The following DMXL2 variants were observed in gnomAD, a reference collection of about 807,000 sequenced individuals.
DMXL2 encodes the protein dmX-like protein 2.
In DMXL2, 103 loss-of-function variants were observed where a neutral mutation model predicts 331.1. That is an observed-to-expected ratio of 0.31 (90% CI 0.27 to 0.37). DMXL2 has a LOEUF of 0.37. DMXL2 is among the 10% of genes least tolerant of loss of function. DMXL2 has a pLI of 1.00. For missense variants in DMXL2, 3,171 were observed against 3,642.9 expected (o/e 0.87, Z 3.33); for synonymous variants, 1,281 against 1,252.1 (o/e 1.02, Z -0.49).
chr15:51,450,731 C>T (rs183975778), intron 42 of DMXL2: 22 of 176,386 alleles, frequency 1.2e-4, no homozygotes, highest in Admixed American at 4.4e-4. Flanking sequence ...ATTGAAACAA[C>T]GACACTATGA....
chr15:51,568,694 C>A, intron 2 of DMXL2, 136 bp from the exon 3 acceptor site: 2 of 629,420 alleles, frequency 3.2e-6, no homozygotes, highest in South Asian at 4.6e-5. Context: ...CATAAATATA[C>A]CTGGAAGTGT....
At chr15:51,512,742 G>T (rs575344036) in intron 15 of DMXL2, among the ~76,000 whole-genome samples, 3 of 151,950 alleles carry the variant, frequency 2.0e-5, no homozygotes, top group Non-Finnish European at 2.9e-5. Context: ...CTTGAACCTG[G>T]GAGGTGGAGG....
intron 1 of DMXL2, among the ~76,000 whole-genome samples, chr15:51,611,036 A>G (rs960920522): frequency 3.3e-5 from 5 of 152,140 alleles, no homozygotes; most frequent in Admixed American, 1.3e-4. Context: ...AGGGAGAAAG[A>G]CAAAAATGAG....
intron 6 of DMXL2, among the ~76,000 whole-genome samples, chr15:51,549,051 C>T (rs1447731418): frequency 2.0e-5 from 3 of 151,850 alleles, no homozygotes; most frequent in African/African-American, 7.3e-5. Context: ...GATTTTGGTG[C>T]ACCCATCGCC....
intron 1 of DMXL2, among the ~76,000 whole-genome samples, chr15:51,593,618 C>CT (rs1466025799): frequency 1.3e-5 from 2 of 152,306 alleles, no homozygotes; most frequent in East Asian, 3.9e-4. Context: ...ATACATTCTT[C>CT]TCAGCACAAC....
At chr15:51,491,429 G>C in intron 20 of DMXL2, 149 bp downstream of exon 20, 1 of 681,578 alleles carries the variant, frequency 1.5e-6, no homozygotes, top group Non-Finnish European at 2.4e-6. Context: ...CGACAAGAGC[G>C]AAATTCCATC....
chr15:51,483,376 G>A (rs1356817138), intron 23 of DMXL2, among the ~76,000 whole-genome samples: 4 of 152,184 alleles, frequency 2.6e-5, no homozygotes, highest in Non-Finnish European at 5.9e-5. Flanking sequence ...ATGGGTAGCT[G>A]AATGCTACAA....
intron 6 of DMXL2, among the ~76,000 whole-genome samples, chr15:51,551,249 T>C (rs2049201529): frequency 6.6e-6 from 1 of 152,156 alleles, no homozygotes. Context: ...TTAACCTCCA[T>C]AGGATCCTTA....
intron 13 of DMXL2, among the ~76,000 whole-genome samples, chr15:51,532,349 G>A (rs547233056): frequency 1.2e-4 from 19 of 152,138 alleles, no homozygotes; most frequent in Admixed American, 1.2e-3. Flanking sequence ...GACCCATAGA[G>A]ATAGAGTAGA....
rs561240560 is a variant in DMXL2, at chr15:51,461,642, C to T, written c.7926+1737G>A. The stretch of plus-strand genomic sequence containing the variant: ...CTCAGCTCACTACAACCTCCACCTC[C>T]TGGGCTCAAGCAATCCTCCTGCCTC... On this transcript the variant is annotated intron_variant, in intron 33 of 43. Transcript: ENST00000560891. Among the ~76,000 whole-genome samples the T allele has an allele frequency of 5.9e-5, 9 of 152,156 alleles. No homozygotes were observed. In the South Asian group the frequency reaches 1.7e-3, roughly 28 times the overall value.
intron 13 of DMXL2, among the ~76,000 whole-genome samples, chr15:51,531,253 A>T (rs984604473): frequency 1.3e-5 from 2 of 152,208 alleles, no homozygotes; most frequent in Non-Finnish European, 2.9e-5. Context: ...CTCATTTTTG[A>T]CAAAGGTGCC....
intron 1 of DMXL2, among the ~76,000 whole-genome samples, chr15:51,599,951 A>G (rs12442947): frequency 0.48 from 72,830 of 151,814 alleles, 17,822 homozygotes; most frequent in Non-Finnish European, 0.52. Context: ...TGCCCGCCTC[A>G]GCCTCCCAAA....
intron 29 of DMXL2, among the ~76,000 whole-genome samples, chr15:51,470,971 A>C (rs761234414): frequency 6.6e-6 from 1 of 152,168 alleles, no homozygotes; most frequent in Admixed American, 6.5e-5. Context: ...GATGGTGCTG[A>C]TTATGTAATA....
intron 1 of DMXL2, among the ~76,000 whole-genome samples, chr15:51,607,405 G>A (rs534504978): frequency 2.6e-5 from 4 of 151,992 alleles, no homozygotes; most frequent in Non-Finnish European, 5.9e-5. Flanking sequence ...GCAGTGAGCC[G>A]AGACCGCACC....
Position 51,547,275 on chromosome 15 carries a change from G to C in DMXL2, c.701C>G (p.Ala234Gly). 6.2e-7 allele frequency: 1 copy of C among 1,612,598 alleles called. No homozygotes were observed. The highest frequency in any genetic ancestry group is 8.5e-7 in the Non-Finnish European group (1 of 1,179,232). The change falls in exon 7 of 44, where the codon GCT becomes GGT. Residue 234 changes from alanine (A) to glycine (G), a missense_variant. By Grantham distance (60) the Ala-to-Gly change is moderately conservative. Coordinates refer to ENST00000560891, the MANE Select transcript of DMXL2 (RefSeq NM_001378457.1). Reference sequence around the variant, plus strand: ...TTTGCGCCACGAAAAACCTGTCACAGCTCGGGGATGTGCCAAGTAAACAAA... The same window carrying C: ...TTTGCGCCACGAAAAACCTGTCACACCTCGGGGATGTGCCAAGTAAACAAA... ...FSFVYLAHPR[A>G]VTGFSWRKTS...
chr15:51,555,683 A>G (rs1236482964), intron 6 of DMXL2, among the ~76,000 whole-genome samples: 1 of 152,172 alleles, frequency 6.6e-6, no homozygotes, highest in African/African-American at 2.4e-5. Flanking sequence ...ATCACTATAC[A>G]TGTATTATAG....
intron 4 of DMXL2, 62 bp downstream of exon 4, chr15:51,565,026 T>A (rs542467938): frequency 2.1e-6 from 2 of 973,096 alleles, no homozygotes; most frequent in South Asian, 4.5e-5. Context: ...TATATCACAT[T>A]ATTATCATAC....
intron 1 of DMXL2, among the ~76,000 whole-genome samples, chr15:51,581,557 C>CA (rs1237987493): frequency 6.6e-6 from 1 of 152,080 alleles, no homozygotes; most frequent in Non-Finnish European, 1.5e-5. Context: ...CACACTCATT[C>CA]AGTCTTCTCT....
intron 33 of DMXL2, among the ~76,000 whole-genome samples, chr15:51,462,256 A>G (rs1173036151): frequency 6.6e-6 from 1 of 152,144 alleles, no homozygotes; most frequent in African/African-American, 2.4e-5. Context: ...CGGGAAATTG[A>G]GCCGTATGGA....
Sources: gnomAD v4.1 joint callset for allele counts (sites outside exome capture counted in the v4.1 genomes callset) on GRCh38, gnomAD v4.1.1 for gene constraint, MANE v1.5 for transcripts, NCBI Gene and HGNC (gene_info 2026-07-23, HGNC 2026-07-21) for gene names.